The following RALYL variants were observed in gnomAD, a reference collection of about 807,000 sequenced individuals.
RALYL encodes RALY RNA binding protein like, also known as RNA-binding Raly-like protein.
In RALYL, 29 loss-of-function variants were observed where a neutral mutation model predicts 35.1. That is an observed-to-expected ratio of 0.83 (90% CI 0.61 to 1.13). RALYL has a LOEUF of 1.13. Among genes scored for constraint, RALYL ranks in the 50% most tolerant of loss-of-function variants. The probability of loss-of-function intolerance (pLI) is 0.00; values close to 1 mark genes in which losing one functional copy is unlikely to be tolerated. For synonymous variants in RALYL, 120 were observed against 127.6 expected (o/e 0.94, Z 0.40); for missense variants, 359 against 360.4 (o/e 1.00, Z 0.03).
intron 2 of RALYL, among the ~76,000 whole-genome samples, chr8:84,541,144 G>A (rs2059993768): frequency 1.3e-5 from 2 of 149,922 alleles, no homozygotes; most frequent in Admixed American, 6.7e-5. Context: ...TCTACACTTT[G>A]TGGGTTTAAT....
chr8:84,724,454 T>G (rs1031817690), intron 2 of RALYL, among the ~76,000 whole-genome samples: 1 of 151,850 alleles, frequency 6.6e-6, no homozygotes, highest in African/African-American at 2.4e-5. Context: ...TTAGTTATGT[T>G]AGAGGAAAAA....
In RALYL at chr8:84,610,547, G is replaced by A. The variant is rs74765190; in HGVS notation, c.256+80970G>A. On this transcript the variant is annotated intron_variant, in intron 2 of 8. Transcript: ENST00000521268. Reference sequence around the variant, plus strand: ...GTTTGTCAGATTTTTCCACTGTAATGTTATTCTTCGCTGCTCTTCTTTGTG... The same window carrying A: ...GTTTGTCAGATTTTTCCACTGTAATATTATTCTTCGCTGCTCTTCTTTGTG... 1.5e-3 allele frequency among the ~76,000 whole-genome samples: 227 copies of A among 152,168 alleles called. 3 individuals carry two copies. The East Asian group carries it at 0.041, about 28-fold the overall frequency.
chr8:84,358,444 A>G (rs1337681081), intron 1 of RALYL, among the ~76,000 whole-genome samples: 1 of 152,012 alleles, frequency 6.6e-6, no homozygotes, highest in African/African-American at 2.4e-5. Context: ...ATGGCCTACT[A>G]GGAATACATG....
At chr8:84,560,306 A>G (rs989625536) in intron 2 of RALYL, among the ~76,000 whole-genome samples, 5 of 151,950 alleles carry the variant, frequency 3.3e-5, no homozygotes, top group African/African-American at 9.7e-5. Context: ...ACAATTTCTC[A>G]AAAAAGGGGA....
intron 1 of RALYL, among the ~76,000 whole-genome samples, chr8:84,476,200 A>G (rs137901872): frequency 6.6e-6 from 1 of 152,306 alleles, no homozygotes; most frequent in Non-Finnish European, 1.5e-5. Flanking sequence ...CAGGGAAGCC[A>G]GATTCTATGC....
intron 2 of RALYL, among the ~76,000 whole-genome samples, chr8:84,545,128 A>T (rs1005372357): frequency 3.3e-5 from 5 of 152,030 alleles, no homozygotes; most frequent in South Asian, 2.1e-4. Flanking sequence ...AAATTGATCA[A>T]TTTTTTACCA....
chr8:84,819,624 A>C (rs1828069254), intron 4 of RALYL, among the ~76,000 whole-genome samples: 1 of 152,278 alleles, frequency 6.6e-6, no homozygotes. Flanking sequence ...TTTACAATTA[A>C]AAAAATGTCT....
At chr8:84,708,857 C>A (rs571665455) in intron 2 of RALYL, among the ~76,000 whole-genome samples, 2 of 151,970 alleles carry the variant, frequency 1.3e-5, no homozygotes, top group African/African-American at 2.4e-5. Context: ...AAAACACTGA[C>A]GTAGAGGAAA....
chr8:84,207,736 C>T (rs1238128537), intron 1 of RALYL, among the ~76,000 whole-genome samples: 1 of 151,784 alleles, frequency 6.6e-6, no homozygotes, highest in Non-Finnish European at 1.5e-5. Flanking sequence ...ACCCCCACCC[C>T]CCAGGAAACT....
In RALYL at chr8:84,705,176, T is replaced by C. The variant is rs76553970; in HGVS notation, c.257-69403T>C. Among the ~76,000 whole-genome samples the C allele has an allele frequency of 6.0e-3, 909 of 152,296 alleles. 44 individuals are homozygous for C. The East Asian group carries it at 0.13, about 22-fold the overall frequency. On this transcript the variant is annotated intron_variant, in intron 2 of 8. Coordinates refer to ENST00000521268, the MANE Select transcript of RALYL (RefSeq NM_173848.7). ...AGGCATTGCTCTCAGAAAAGGACAG[T>C]ACAAGCTATAATGAAGGCAGAGCTT...
chr8:84,262,690 G>A (rs1031030872), intron 1 of RALYL, among the ~76,000 whole-genome samples: 1 of 152,084 alleles, frequency 6.6e-6, no homozygotes, highest in Admixed American at 6.6e-5. Context: ...AACTAGAGTT[G>A]TCCAACCTGT....
chr8:84,446,702 C>G (rs981853818), intron 1 of RALYL, among the ~76,000 whole-genome samples: 1 of 151,930 alleles, frequency 6.6e-6, no homozygotes, highest in East Asian at 1.9e-4. Context: ...GGACTTTGGT[C>G]GTGGCAGGCT....
chr8:84,894,321 G>C (rs1400578665), intron 8 of RALYL, among the ~76,000 whole-genome samples: 1 of 152,134 alleles, frequency 6.6e-6, no homozygotes, highest in African/African-American at 2.4e-5. Flanking sequence ...TGTGAGACAT[G>C]TTCCACAAAG....
chr8:84,728,655 G>A (rs1845494633), intron 2 of RALYL, among the ~76,000 whole-genome samples: 1 of 152,076 alleles, frequency 6.6e-6, no homozygotes, highest in Admixed American at 6.6e-5. Flanking sequence ...TTTTGTATAA[G>A]GTGTAAGGAA....
At chr8:84,600,227 T>A (rs1484196484) in intron 2 of RALYL, among the ~76,000 whole-genome samples, 1 of 152,128 alleles carries the variant, frequency 6.6e-6, no homozygotes, top group Non-Finnish European at 1.5e-5. Flanking sequence ...TTACATTCCA[T>A]CCCCTAATAC....
chr8:84,712,077 A>T (rs1452899954), intron 2 of RALYL, among the ~76,000 whole-genome samples: 1 of 152,164 alleles, frequency 6.6e-6, no homozygotes, highest in East Asian at 1.9e-4. Flanking sequence ...TATTAAATTC[A>T]ATCTTTGATT....
intron 1 of RALYL, among the ~76,000 whole-genome samples, chr8:84,205,724 G>A (rs958633593): frequency 6.6e-6 from 1 of 152,206 alleles, no homozygotes; most frequent in African/African-American, 2.4e-5. Context: ...CTGAGAAGGT[G>A]ATAAAAGTAG....
chr8:84,433,814 CGT>C (rs1194033007), intron 1 of RALYL, among the ~76,000 whole-genome samples: 49 of 62,362 alleles, frequency 7.9e-4, no homozygotes, highest in East Asian at 2.0e-3. Context: ...TGTATGTGTG[CGT>C]GTGTGTGTGT....
At chr8:84,344,857 T>A (rs1586473492) in intron 1 of RALYL, among the ~76,000 whole-genome samples, 1 of 152,078 alleles carries the variant, frequency 6.6e-6, no homozygotes, top group Admixed American at 6.6e-5. Context: ...ATTCATGTTG[T>A]TGCAAATTAT....
Sources: gnomAD v4.1 joint callset for allele counts (sites outside exome capture counted in the v4.1 genomes callset) on GRCh38, gnomAD v4.1.1 for gene constraint, MANE v1.5 for transcripts, NCBI Gene and HGNC (gene_info 2026-07-23, HGNC 2026-07-21) for gene names.